The following DIAPH2 variants were observed in gnomAD, a reference collection of about 807,000 sequenced individuals.
DIAPH2 encodes protein diaphanous homolog 2.
A neutral mutation model predicts 92.7 loss-of-function variants in DIAPH2; 35 were observed. The observed-to-expected ratio is 0.38, with a 90% CI of 0.29 to 0.50. The LOEUF (loss-of-function observed/expected upper bound fraction) is 0.50, where lower values mean the gene tolerates loss of function less well. Ranked by LOEUF, DIAPH2 falls within the 20% of genes least tolerant of loss-of-function variation. The probability of loss-of-function intolerance (pLI) is 0.94; values close to 1 mark genes in which losing one functional copy is unlikely to be tolerated. For missense variants in DIAPH2, 701 were observed against 819.5 expected (o/e 0.86, Z 1.77); for synonymous variants, 301 against 280.4 (o/e 1.07, Z -0.73).
intron 24 of DIAPH2, among the ~76,000 whole-genome samples, chrX:97,377,822 T>C (rs1000759413): frequency 9.0e-6 from 1 of 111,435 alleles, no homozygotes; most frequent in Non-Finnish European, 1.9e-5. Flanking sequence ...AAAAATCTTA[T>C]CAAGATGCAT....
At chrX:97,489,482 A>G (rs1299450435) in intron 26 of DIAPH2, among the ~76,000 whole-genome samples, 1 of 110,429 alleles carries the variant, frequency 9.1e-6, no homozygotes, top group Non-Finnish European at 1.9e-5. Flanking sequence ...TATCTTGAAT[A>G]TAAATGGTGA....
chrX:96,842,730 A>G (rs1470995271), intron 4 of DIAPH2, among the ~76,000 whole-genome samples: 1 of 111,621 alleles, frequency 9.0e-6, no homozygotes, highest in Non-Finnish European at 1.9e-5. Flanking sequence ...TATGATCTGA[A>G]TCCAGGTATG....
At chrX:97,585,415 T>TTATC (rs1251339780) in intron 26 of DIAPH2, among the ~76,000 whole-genome samples, 2 of 110,695 alleles carry the variant, frequency 1.8e-5, no homozygotes, top group East Asian at 5.6e-4. Context: ...TCTTTTCTAT[T>TTATC]TATCTTTCAA....
At chrX:97,490,200 G>A (rs1040536944) in intron 26 of DIAPH2, among the ~76,000 whole-genome samples, 1 of 109,716 alleles carries the variant, frequency 9.1e-6, no homozygotes, top group Non-Finnish European at 1.9e-5. Flanking sequence ...ATTTGTTGGT[G>A]TATAATTCTT....
intron 17 of DIAPH2, among the ~76,000 whole-genome samples, chrX:97,049,409 G>T (rs917631690): frequency 2.7e-5 from 3 of 110,671 alleles, no homozygotes; most frequent in Non-Finnish European, 5.7e-5. Flanking sequence ...GGAGAAAACA[G>T]AGTCTGTTTC....
intron 19 of DIAPH2, 31 bp from the exon 20 acceptor site, chrX:97,099,663 A>T: frequency 9.8e-6 from 10 of 1,019,898 alleles, no homozygotes; most frequent in Non-Finnish European, 1.3e-5. Flanking sequence ...ATACTAAAAC[A>T]CTAAACTTTT....
chrX:97,583,414 T>A (rs1292559339), intron 26 of DIAPH2, among the ~76,000 whole-genome samples: 2 of 110,115 alleles, frequency 1.8e-5, no homozygotes, highest in African/African-American at 6.6e-5. Flanking sequence ...CAGCTGCAGG[T>A]CTGTTGGAGT....
intron 1 of DIAPH2, among the ~76,000 whole-genome samples, chrX:96,691,077 A>G (rs1296933050): frequency 3.6e-5 from 4 of 112,118 alleles, no homozygotes; most frequent in Non-Finnish European, 7.5e-5. Flanking sequence ...CTGAAGTGAA[A>G]TCATGTTCTT....
chrX:96,802,140 A>G (rs1025627364), intron 4 of DIAPH2, among the ~76,000 whole-genome samples: 6 of 111,957 alleles, frequency 5.4e-5, no homozygotes, highest in African/African-American at 1.9e-4. Context: ...ACTTCTACCT[A>G]TCTGGCTTCT....
intron 22 of DIAPH2, among the ~76,000 whole-genome samples, chrX:97,240,351 A>T (rs950385916): frequency 2.7e-5 from 3 of 111,542 alleles, no homozygotes; most frequent in African/African-American, 9.8e-5. Context: ...TCGCGCCTGT[A>T]ATCCCAGCAC....
chrX:97,268,038 A>G (rs2068352380), intron 23 of DIAPH2, among the ~76,000 whole-genome samples: 1 of 112,248 alleles, frequency 8.9e-6, no homozygotes, highest in South Asian at 3.7e-4. Flanking sequence ...TACCAAATGA[A>G]CTATCTTGGC....
At chrX:97,090,048 G>A (rs2066811989) in intron 19 of DIAPH2, among the ~76,000 whole-genome samples, 1 of 112,319 alleles carries the variant, frequency 8.9e-6, no homozygotes, top group Non-Finnish European at 1.9e-5. Context: ...CAATTCTTAA[G>A]CATTGGAGTG....
At chrX:97,272,317 C>T (rs1274516517) in intron 23 of DIAPH2, among the ~76,000 whole-genome samples, 2 of 111,486 alleles carry the variant, frequency 1.8e-5, no homozygotes, top group African/African-American at 6.5e-5. Flanking sequence ...TTTTTGAGTG[C>T]CTATTTGTGA....
At chrX:96,897,400 CT>C (rs376863187) in intron 5 of DIAPH2, among the ~76,000 whole-genome samples, 21 of 106,155 alleles carry the variant, frequency 2.0e-4, no homozygotes, top group African/African-American at 5.1e-4. Flanking sequence ...TTATAGATAG[CT>C]TTTTTTTTTC....
intron 26 of DIAPH2, among the ~76,000 whole-genome samples, chrX:97,569,265 G>C (rs1273664109): frequency 1.8e-5 from 2 of 112,089 alleles, no homozygotes; most frequent in East Asian, 5.5e-4. Flanking sequence ...GGACCATGAT[G>C]AAGTTACCAG....
At chrX:97,347,863 C>A (rs2069173025) in intron 23 of DIAPH2, among the ~76,000 whole-genome samples, 1 of 111,162 alleles carries the variant, frequency 9.0e-6, no homozygotes, top group African/African-American at 3.3e-5. Context: ...TATGGAGAGA[C>A]CTCAGAAGAA....
intron 23 of DIAPH2, among the ~76,000 whole-genome samples, chrX:97,289,525 C>T (rs915764952): frequency 4.5e-5 from 5 of 111,052 alleles, no homozygotes; most frequent in South Asian, 3.8e-4. Flanking sequence ...CAGTGGTTCT[C>T]AACCCTCAAT....
chrX:97,208,432 T>C (rs765921968), intron 22 of DIAPH2, among the ~76,000 whole-genome samples: 1 of 112,148 alleles, frequency 8.9e-6, no homozygotes, highest in Non-Finnish European at 1.9e-5. Flanking sequence ...TAAGAATAAA[T>C]TTTGCTTCAA....
chrX:97,412,754 C>T (rs1181456270), intron 25 of DIAPH2, among the ~76,000 whole-genome samples: 2 of 111,849 alleles, frequency 1.8e-5, no homozygotes, highest in Admixed American at 1.9e-4. Context: ...TACAAACTAC[C>T]ATCAGAGAAT....
Sources: allele counts gnomAD v4.1 joint callset (sites outside exome capture counted in the v4.1 genomes callset), GRCh38; gene constraint gnomAD v4.1.1; transcripts MANE v1.5; gene names NCBI Gene and HGNC (gene_info 2026-07-23, HGNC 2026-07-21).